The following CCDC178 variants were observed in gnomAD, a reference collection of about 807,000 sequenced individuals.
CCDC178 encodes the protein coiled-coil domain-containing protein 178.
A neutral mutation model predicts 117.4 loss-of-function variants in CCDC178; 126 were observed. The ratio of observed to expected loss-of-function variants is 1.07; its 90% confidence interval spans 0.93 to 1.24. The LOEUF is 1.24. CCDC178 is among the 50% of genes most tolerant of loss of function. The probability of loss-of-function intolerance (pLI) is 0.00; values close to 1 mark genes in which losing one functional copy is unlikely to be tolerated. For synonymous variants in CCDC178, 283 were observed against 313.4 expected, an observed-to-expected ratio of 0.90 and a Z score of 1.02; for missense variants, 1,030 against 986.9, an observed-to-expected ratio of 1.04 and a Z score of -0.59.
chr18:33,296,713 C>CA (rs1281516704), intron 11 of CCDC178, among the ~76,000 whole-genome samples: 1 of 152,092 alleles, frequency 6.6e-6, no homozygotes, highest in Non-Finnish European at 1.5e-5. Context: ...TGAAAACCTA[C>CA]AAGGTATCAG....
chr18:33,137,486 G>T (rs1190816366), intron 20 of CCDC178, among the ~76,000 whole-genome samples: 3 of 152,238 alleles, frequency 2.0e-5, no homozygotes, highest in Non-Finnish European at 4.4e-5. Context: ...ACTCTTTGAA[G>T]AGAACCTAGT....
intron 11 of CCDC178, among the ~76,000 whole-genome samples, chr18:33,310,121 C>T (rs966045352): frequency 1.1e-4 from 17 of 152,170 alleles, no homozygotes; most frequent in African/African-American, 3.9e-4. Flanking sequence ...ACCACCATGC[C>T]TGGCTAATTT....
At chr18:33,187,568 A>G (rs1233802586) in intron 20 of CCDC178, among the ~76,000 whole-genome samples, 3 of 152,130 alleles carry the variant, frequency 2.0e-5, no homozygotes, top group Non-Finnish European at 4.4e-5. Flanking sequence ...ACCTTTAAGT[A>G]TGCACCACAT....
At chr18:33,371,194 ATC>A (rs2063293480) in intron 5 of CCDC178, among the ~76,000 whole-genome samples, 1 of 151,860 alleles carries the variant, frequency 6.6e-6, no homozygotes, top group South Asian at 2.1e-4. Context: ...TAGAAACACA[ATC>A]TCTTGTAAAA....
chr18:32,992,581 AT>A (rs2055416569), intron 21 of CCDC178, among the ~76,000 whole-genome samples: 1 of 152,170 alleles, frequency 6.6e-6, no homozygotes, highest in Non-Finnish European at 1.5e-5. Context: ...AAGCAGAAAT[AT>A]TTACTATTGC....
In CCDC178 at chr18:33,387,561, T is replaced by A. The variant is rs530414479; in HGVS notation, c.208+1979A>T. On this transcript the variant is annotated intron_variant, in intron 5 of 22. Transcript: ENST00000383096. Reference sequence around the variant, plus strand: ...AAGAACTCAGAAAGAAAACCGCACATCTACAACCATCTGATCTTCGACAAA... The same window carrying A: ...AAGAACTCAGAAAGAAAACCGCACAACTACAACCATCTGATCTTCGACAAA... Among the ~76,000 whole-genome samples the A allele has an allele frequency of 3.4e-4, 52 of 152,114 alleles. 1 individual carries two copies. Among genetic ancestry groups the A allele is most frequent in the African/African-American group, 9.9e-4 (41 of 41,496 alleles).
intron 2 of CCDC178, among the ~76,000 whole-genome samples, chr18:33,422,591 A>G (rs937099518): frequency 1.3e-5 from 2 of 152,220 alleles, no homozygotes; most frequent in Non-Finnish European, 2.9e-5. Flanking sequence ...GATCCCTTGA[A>G]TATCAATATA....
chr18:33,435,633 G>A (rs1195230457), intron 2 of CCDC178, among the ~76,000 whole-genome samples: 2 of 138,406 alleles, frequency 1.4e-5, no homozygotes, highest in African/African-American at 5.2e-5. Context: ...ATGATTAGAG[G>A]CAAAAAATGA....
At chr18:33,414,791 A>C (rs1467736665) in intron 2 of CCDC178, among the ~76,000 whole-genome samples, 1 of 152,226 alleles carries the variant, frequency 6.6e-6, no homozygotes, top group Non-Finnish European at 1.5e-5. Context: ...AAATTTTTGC[A>C]ATCTACTCAT....
intron 2 of CCDC178, among the ~76,000 whole-genome samples, chr18:33,429,514 A>G (rs543125103): frequency 3.9e-5 from 6 of 152,240 alleles, no homozygotes; most frequent in Non-Finnish European, 8.8e-5. Context: ...AGACATGCAA[A>G]CTGCAAAAGA....
chr18:33,373,347 C>A (rs2144767984), intron 5 of CCDC178, among the ~76,000 whole-genome samples: 1 of 152,186 alleles, frequency 6.6e-6, no homozygotes, highest in African/African-American at 2.4e-5. Context: ...TTCTTCTCTT[C>A]AAAATCTACA....
chr18:33,032,007 G>T (rs1427702016), intron 21 of CCDC178, among the ~76,000 whole-genome samples: 1 of 152,018 alleles, frequency 6.6e-6, no homozygotes, highest in African/African-American at 2.4e-5. Context: ...AGATAACACA[G>T]TGCAATTCTA....
rs185025747 is a variant in CCDC178 at position 33,423,531 on chromosome 18, C to T, written c.-22-11421G>A. Among the ~76,000 whole-genome samples, 805 of 151,858 alleles carry T rather than the reference C, an allele frequency of 5.3e-3. 3 individuals carry two copies. The highest frequency in any genetic ancestry group is 8.5e-3 in the Non-Finnish European group (576 of 67,910). ...ACTTCCATTGTTTTTAAATATTTTC[C>T]CTTTTGTAACCAATTTTGTTTTAAG... On this transcript the variant is annotated intron_variant, in intron 2 of 22. Transcript: ENST00000383096.
chr18:33,325,470 ATAT>A, intron 10 of CCDC178, among the ~76,000 whole-genome samples: 1 of 151,944 alleles, frequency 6.6e-6, no homozygotes, highest in Middle Eastern at 3.2e-3. Context: ...TATATATGTA[ATAT>A]TATTTTTATA....
chr18:33,265,271 C>CT, intron 14 of CCDC178, among the ~76,000 whole-genome samples: 1 of 151,360 alleles, frequency 6.6e-6, no homozygotes, highest in Non-Finnish European at 1.5e-5. Context: ...TCAGACTCTG[C>CT]TATATGATGA....
chr18:33,230,248 G>C (rs888616580), intron 15 of CCDC178, among the ~76,000 whole-genome samples: 7 of 117,722 alleles, frequency 5.9e-5, no homozygotes, highest in African/African-American at 2.7e-4. Context: ...CTCAGAGGCT[G>C]TGTGTGTGTG....
chr18:33,318,961 A>T (rs1196107965), intron 11 of CCDC178, among the ~76,000 whole-genome samples: 1 of 152,136 alleles, frequency 6.6e-6, no homozygotes, highest in Non-Finnish European at 1.5e-5. Context: ...AAATTCTGAA[A>T]GTTTTTCATC....
intron 22 of CCDC178, among the ~76,000 whole-genome samples, chr18:32,963,059 AG>A (rs965705653): frequency 2.0e-5 from 3 of 152,014 alleles, no homozygotes; most frequent in Non-Finnish European, 2.9e-5. Flanking sequence ...ATCTAATCTC[AG>A]TAAAAAACAC....
chr18:33,387,733 T>C (rs899011843), intron 5 of CCDC178, among the ~76,000 whole-genome samples: 2 of 152,142 alleles, frequency 1.3e-5, no homozygotes, highest in African/African-American at 4.8e-5. Flanking sequence ...AAGACTTAAA[T>C]GTAAAACCCA....
Sources: allele counts gnomAD v4.1 joint callset (sites outside exome capture counted in the v4.1 genomes callset), GRCh38; gene constraint gnomAD v4.1.1; transcripts MANE v1.5; gene names NCBI Gene and HGNC (gene_info 2026-07-23, HGNC 2026-07-21).